MNT: variants seen among roughly 807,000 people sequenced by gnomAD.
MNT encodes the protein MAX network transcriptional repressor.
A neutral mutation model predicts 40.7 loss-of-function variants in MNT; 13 were observed. The ratio of observed to expected loss-of-function variants is 0.32; its 90% CI spans 0.21 to 0.51. The LOEUF (loss-of-function observed/expected upper bound fraction) is 0.51. MNT is among the 20% of genes least tolerant of loss of function. MNT has a pLI of 0.98. For missense variants in MNT, 757 were observed against 792.0 expected (o/e 0.96, Z 0.53); for synonymous variants, 426 against 354.8 (o/e 1.20, Z -2.26).
intron 5 of MNT, 67 bp from the exon 6 acceptor site, chr17:2,387,716 G>T (rs2066479023): frequency 1.3e-6 from 2 of 1,587,054 alleles, no homozygotes; most frequent in East Asian, 4.5e-5. Context: ...AGGCGTAGAT[G>T]CTCGTGGGGG....
chr17:2,400,995 T>G lies in MNT; in HGVS notation c.-283A>C. 3.3e-6 allele frequency: 1 copy of G among 298,676 alleles called. No individual in the cohort carries two copies. The highest frequency in any genetic ancestry group is 6.2e-6 in the Non-Finnish European group (1 of 161,724). The allele number at this position is 298,676 out of a possible 1,614,324, so 18.5% of individuals were successfully genotyped here. ...TTCTTCCCCTCCCTCTCTACCTCCC[T>G]TCCGATGCCTCCCGCCCCGCGGCCC... On this transcript the variant is annotated 5_prime_UTR_variant, in exon 1 of 6. Transcript: ENST00000174618.
At chr17:2,393,778 G>A (rs1384584744) in intron 4 of MNT, 2 of 184,570 alleles carry the variant, frequency 1.1e-5, no homozygotes. Context: ...CACGGCGCGC[G>A]CCTCACGGCC....
Position 2,395,262 on chromosome 17 carries a change from A to T in MNT, c.266T>A (p.Ile89Asn). 1.5e-6 allele frequency: 2 copies of T among 1,366,730 alleles called. No individual in the cohort carries two copies. Among genetic ancestry groups the T allele is most frequent in the Non-Finnish European group, 2.0e-6 (2 of 1,012,464 alleles). The allele number at this position is 1,366,730 out of a possible 1,614,324, so 84.7% of individuals were successfully genotyped here. A position where few individuals can be genotyped will look rare whatever the true frequency, so the allele number is the denominator to read the frequency against. ...PLATPAPLTV[I>N]PIPVVTNSPQ... ...GGAGTTGGTCACCACAGGGATAGGG[A>T]TGACAGTCAGTGGGGCAGGGGTGGC... is the stretch of plus-strand genomic sequence containing the variant. Residue 89 changes from isoleucine to asparagine, a missense_variant, in exon 2 of 6, where the codon ATC becomes AAC. By Grantham distance (149) the Ile-to-Asn change is moderately radical (BLOSUM62 -3). Coordinates refer to ENST00000174618, the MANE Select transcript of MNT (RefSeq NM_020310.3).
chr17:2,399,808 C>A (rs1363840150), intron 1 of MNT, among the ~76,000 whole-genome samples: 1 of 152,192 alleles, frequency 6.6e-6, no homozygotes, highest in African/African-American at 2.4e-5. Flanking sequence ...ACGCAACATT[C>A]CAGGCGAGAG....
intron 1 of MNT, among the ~76,000 whole-genome samples, chr17:2,395,778 G>A (rs1039558339): frequency 6.6e-6 from 1 of 152,132 alleles, no homozygotes; most frequent in African/African-American, 2.4e-5. Flanking sequence ...GGGTGCTGCA[G>A]GCCACCTGCC....
At position 2,395,835 on chromosome 17, in the gene MNT, GGGA is replaced by G. The variant is rs200985251; in HGVS notation, c.74-384_74-382del. 1.5e-4 allele frequency among the ~76,000 whole-genome samples: 19 copies of G among 130,352 alleles called. No homozygotes were observed. In the South Asian group the frequency reaches 3.0e-3, roughly 20 times the overall value. The allele number at this position is 130,352 out of a possible 152,430, so 85.5% of individuals were successfully genotyped here. A position where few individuals can be genotyped will look rare whatever the true frequency, so the allele number is the denominator to read the frequency against. On this transcript the variant is annotated intron_variant, in intron 1 of 5. Coordinates refer to ENST00000174618, the MANE Select transcript of MNT (RefSeq NM_020310.3). ...GGCGGGTGAGGGCAGCGAGGGTCAG[GGGA>G]CCACAGGGCCGAGGTGGGAGAGGCG...
Position 2,388,049 on chromosome 17 carries a change from A to T in MNT, c.808T>A (p.Ser270Thr). The change falls in exon 5 of 6, where the codon TCC becomes ACC. Residue 270 changes from serine to threonine, a missense_variant and splice_region_variant. Physicochemically the swap from Ser to Thr is moderately conservative, Grantham distance 58. Transcript: ENST00000174618. ...VLRTALRYIQ[S>T]LKRKEKEYEH... ...TATTCCTTCTCCTTCCTCTTCAGGG[A>T]CTGGCACACAGAGTAAGGGACAGCA... 1 of 1,554,750 alleles carries T rather than the reference A, an allele frequency of 6.4e-7. No individual in the cohort carries two copies. Among genetic ancestry groups the T allele is most frequent in the East Asian group, 2.4e-5 (1 of 41,422 alleles).
intron 1 of MNT, among the ~76,000 whole-genome samples, chr17:2,396,068 G>A (rs1259983168): frequency 6.6e-6 from 1 of 152,222 alleles, no homozygotes; most frequent in Non-Finnish European, 1.5e-5. Flanking sequence ...ACCCCTGGAG[G>A]ACGCTTGCCG....
At chr17:2,388,809 A>G (rs1425985759) in intron 4 of MNT, among the ~76,000 whole-genome samples, 1 of 150,912 alleles carries the variant, frequency 6.6e-6, no homozygotes, top group Non-Finnish European at 1.5e-5. Context: ...CACTTCATCA[A>G]TCCCACCCTT....
chr17:2,400,543 G>T (rs1203039511), intron 1 of MNT, 97 bp downstream of exon 1: 1 of 1,257,014 alleles, frequency 8.0e-7, no homozygotes, highest in Non-Finnish European at 1.1e-6. Context: ...CAGGCCGCCC[G>T]GGAGGGGGCC....
chr17:2,396,277 G>A (rs1182002773), intron 1 of MNT, among the ~76,000 whole-genome samples: 9 of 152,312 alleles, frequency 5.9e-5, no homozygotes, highest in Middle Eastern at 3.4e-3. Context: ...CCCTTCTCGT[G>A]TTATAACTCA....
Position 2,395,165 on chromosome 17 carries a change from C to T in MNT, c.363G>A (p.Pro121=), listed in dbSNP as rs759337133. 6.0e-5 allele frequency: 81 copies of T among 1,341,570 alleles called. No homozygotes were observed. The highest frequency in any genetic ancestry group is 7.6e-5 in the Non-Finnish European group (79 of 1,043,574). The allele number at this position is 1,341,570 out of a possible 1,614,324, so 83.1% of individuals were successfully genotyped here. ...AQPLPLAPRQ[P]ALVGAPGLSI... is the part of the protein sequence containing the mutation. ...TGAGTCCGGGGGCGCCAACCAGGGC[C>T]GGCTGACGAGGCGCCAGGGGCAGAG... Residue 121 remains proline (P), a synonymous_variant, in exon 2 of 6, where the codon CCG becomes CCA. Coordinates refer to ENST00000174618, the MANE Select transcript of MNT (RefSeq NM_020310.3).
intron 4 of MNT, among the ~76,000 whole-genome samples, chr17:2,393,323 A>G (rs961992945): frequency 6.6e-6 from 1 of 152,094 alleles, no homozygotes; most frequent in Non-Finnish European, 1.5e-5. Context: ...CCCCGGCCCG[A>G]GCACTGCAGA....
At chr17:2,389,643 T>A (rs2066497141) in intron 4 of MNT, 1 of 152,342 alleles carries the variant, frequency 6.6e-6, no homozygotes, top group African/African-American at 2.4e-5. Flanking sequence ...GATCAACACC[T>A]TTTCTTGCCT....
In MNT at chr17:2,400,866, G is replaced by C; in HGVS notation, c.-154C>G. On this transcript the variant is annotated 5_prime_UTR_variant, in exon 1 of 6. Transcript: ENST00000174618. ...GCACTCCGCAGGGAAGAACGGGGGA[G>C]CACGGGGAGAAAAATCAATGTCTCT... 1 of 457,514 alleles carries C rather than the reference G, an allele frequency of 2.2e-6. No individual in the cohort carries two copies. Among genetic ancestry groups the C allele is most frequent in the South Asian group, 4.5e-5 (1 of 22,218 alleles). 28.3% of individuals were successfully genotyped at this position (457,514 alleles called of 1,614,324 possible).
intron 4 of MNT, chr17:2,388,345 C>T (rs1054895457): frequency 2.6e-6 from 1 of 381,176 alleles, no homozygotes; most frequent in African/African-American, 2.1e-5. Flanking sequence ...TTCTCCGCCT[C>T]TCGCCCCATC....
At chr17:2,399,704 G>C (rs2066601693) in intron 1 of MNT, among the ~76,000 whole-genome samples, 2 of 152,162 alleles carry the variant, frequency 1.3e-5, no homozygotes, top group African/African-American at 4.8e-5. Flanking sequence ...GGGCCGCGCC[G>C]TCCCCAGCAG....
chr17:2,399,958 G>A (rs1420284310), intron 1 of MNT, among the ~76,000 whole-genome samples: 1 of 152,212 alleles, frequency 6.6e-6, no homozygotes, highest in Non-Finnish European at 1.5e-5. Context: ...CCAAACCCCG[G>A]ACGCGCAGCC....
At chr17:2,393,912 G>C (rs961584774) in intron 4 of MNT, 131 bp downstream of exon 4, 1 of 487,098 alleles carries the variant, frequency 2.1e-6, no homozygotes, top group African/African-American at 2.1e-5. Context: ...TGTGCTCAGC[G>C]CCCGCGTGGA....
Sources: gnomAD v4.1 joint callset for allele counts (sites outside exome capture counted in the v4.1 genomes callset) on GRCh38, gnomAD v4.1.1 for gene constraint, MANE v1.5 for transcripts, NCBI Gene and HGNC (gene_info 2026-07-23, HGNC 2026-07-21) for gene names.